TAFA5: variants seen among roughly 807,000 people sequenced by gnomAD.
TAFA5 encodes TAFA chemokine like family member 5, also known as chemokine-like protein TAFA-5.
A neutral mutation model predicts 15.3 loss-of-function variants in TAFA5; 6 were observed. The observed-to-expected ratio is 0.39, with a 90% CI of 0.21 to 0.77. TAFA5 has a LOEUF of 0.77. Ranked by LOEUF, TAFA5 falls within the 30% of genes least tolerant of loss-of-function variation. The probability of loss-of-function intolerance (pLI) is 0.41; values close to 1 mark genes in which losing one functional copy is unlikely to be tolerated. For synonymous variants in TAFA5, 103 were observed against 80.7 expected (o/e 1.28, Z -1.48); for missense variants, 161 against 193.1 (o/e 0.83, Z 0.98).
intron 1 of TAFA5, among the ~76,000 whole-genome samples, chr22:48,565,476 GCCA>G (rs1569027755): frequency 6.6e-6 from 1 of 152,192 alleles, no homozygotes; most frequent in Non-Finnish European, 1.5e-5. Flanking sequence ...GTGCACCAGG[GCCA>G]CCAATACCTA....
intron 1 of TAFA5, among the ~76,000 whole-genome samples, chr22:48,525,830 G>A (rs980756440): frequency 2.0e-5 from 3 of 152,154 alleles, no homozygotes; most frequent in Non-Finnish European, 4.4e-5. Context: ...ATCTGTGGAC[G>A]AGGCATCCTG....
At chr22:48,495,565 G>A (rs1284990299) in intron 1 of TAFA5, among the ~76,000 whole-genome samples, 8 of 152,098 alleles carry the variant, frequency 5.3e-5, no homozygotes, top group African/African-American at 1.7e-4. Context: ...CTCCATCCTT[G>A]TTCTCCCTTC....
At chr22:48,590,723 T>C (rs1179181721) in intron 1 of TAFA5, among the ~76,000 whole-genome samples, 1 of 152,096 alleles carries the variant, frequency 6.6e-6, no homozygotes. Context: ...AAAAGATCAA[T>C]GTTTGTGCCC....
intron 2 of TAFA5, among the ~76,000 whole-genome samples, chr22:48,648,465 T>C (rs1455780681): frequency 6.6e-6 from 1 of 151,956 alleles, no homozygotes; most frequent in Non-Finnish European, 1.5e-5. Context: ...TGAAGGTCCA[T>C]GGAGAAGGGA....
intron 3 of TAFA5, among the ~76,000 whole-genome samples, chr22:48,741,851 G>A (rs1329530416): frequency 6.6e-6 from 1 of 152,230 alleles, no homozygotes. Flanking sequence ...CAATAACACG[G>A]CAGCCTTCTG....
chr22:48,609,886 C>T (rs1442550604), intron 1 of TAFA5, among the ~76,000 whole-genome samples: 1 of 152,222 alleles, frequency 6.6e-6, no homozygotes, highest in South Asian at 2.1e-4. Flanking sequence ...CCACCACATA[C>T]AGCCGTCCTC....
intron 3 of TAFA5, among the ~76,000 whole-genome samples, chr22:48,708,749 G>A (rs1247742566): frequency 6.6e-6 from 1 of 152,230 alleles, no homozygotes; most frequent in Admixed American, 6.5e-5. Context: ...AGGGAGATCT[G>A]TGGCTGGGCA....
At chr22:48,575,642 G>A (rs1231731500) in intron 1 of TAFA5, among the ~76,000 whole-genome samples, 1 of 146,182 alleles carries the variant, frequency 6.8e-6, no homozygotes, top group East Asian at 2.0e-4. Flanking sequence ...CCCAGCGTGG[G>A]CAGCCCAGGG....
chr22:48,704,619 CG>C (rs913997066), intron 2 of TAFA5, among the ~76,000 whole-genome samples: 1 of 151,570 alleles, frequency 6.6e-6, no homozygotes, highest in Non-Finnish European at 1.5e-5. Flanking sequence ...CCTGGGAAGC[CG>C]GGGGGTTCCC....
intron 3 of TAFA5, among the ~76,000 whole-genome samples, chr22:48,731,359 C>G (rs189363262): frequency 2.0e-5 from 3 of 152,190 alleles, no homozygotes; most frequent in Admixed American, 2.0e-4. Flanking sequence ...CCAGCCAGGA[C>G]CATTGATGAA....
intron 3 of TAFA5, among the ~76,000 whole-genome samples, chr22:48,734,965 A>G (rs1020125588): frequency 2.6e-5 from 4 of 152,220 alleles, no homozygotes; most frequent in Non-Finnish European, 5.9e-5. Flanking sequence ...GGAGGGGAAT[A>G]TTGATCTGCA....
chr22:48,715,838 G>C (rs764816235), intron 3 of TAFA5, among the ~76,000 whole-genome samples: 1 of 152,268 alleles, frequency 6.6e-6, no homozygotes, highest in South Asian at 2.1e-4. Context: ...CAGTAGACAA[G>C]TGGGATGGGG....
chr22:48,749,359 G>A (rs1410824313), intron 3 of TAFA5, among the ~76,000 whole-genome samples: 1 of 152,212 alleles, frequency 6.6e-6, no homozygotes, highest in Non-Finnish European at 1.5e-5. Flanking sequence ...GGCGTGGATG[G>A]CCAGGGGAGG....
intron 2 of TAFA5, among the ~76,000 whole-genome samples, chr22:48,702,712 G>A (rs1928950162): frequency 2.0e-5 from 3 of 152,196 alleles, no homozygotes; most frequent in Admixed American, 2.0e-4. Flanking sequence ...TCCCTTCCCT[G>A]AGAGCTATTG....
intron 1 of TAFA5, among the ~76,000 whole-genome samples, chr22:48,622,309 G>A (rs1441247527): frequency 6.6e-6 from 1 of 152,198 alleles, no homozygotes; most frequent in African/African-American, 2.4e-5. Context: ...TTTCACATGG[G>A]GGGCAGGCCC....
chr22:48,677,660 C>T (rs961516189), intron 2 of TAFA5, among the ~76,000 whole-genome samples: 5 of 152,158 alleles, frequency 3.3e-5, no homozygotes, highest in East Asian at 3.9e-4. Flanking sequence ...CACCCCTGAG[C>T]GCCAAGGCCC....
chr22:48,730,512 T>A (rs1929841474), intron 3 of TAFA5, among the ~76,000 whole-genome samples: 1 of 152,256 alleles, frequency 6.6e-6, no homozygotes, highest in Admixed American at 6.5e-5. Flanking sequence ...TTGCAAATAT[T>A]GCCGTTTTCA....
chr22:48,565,691 G>A (rs892513775), intron 1 of TAFA5, among the ~76,000 whole-genome samples: 3 of 152,198 alleles, frequency 2.0e-5, no homozygotes, highest in African/African-American at 4.8e-5. Flanking sequence ...TGCACCCACC[G>A]CAGCCCTGTG....
At chr22:48,695,668 G>C (rs926707026) in intron 2 of TAFA5, among the ~76,000 whole-genome samples, 5 of 152,310 alleles carry the variant, frequency 3.3e-5, no homozygotes, top group African/African-American at 1.2e-4. Flanking sequence ...CTCTTCATGG[G>C]TTTCATGGGT....
Sources: allele counts gnomAD v4.1 joint callset (sites outside exome capture counted in the v4.1 genomes callset), GRCh38; gene constraint gnomAD v4.1.1; transcripts MANE v1.5; gene names NCBI Gene and HGNC (gene_info 2026-07-23, HGNC 2026-07-21).